PRPS2: variants seen among roughly 807,000 people sequenced by gnomAD.
PRPS2 encodes the protein phosphoribosyl pyrophosphate synthetase 2.
For synonymous variants in PRPS2, 111 were observed against 115.3 expected, an observed-to-expected ratio of 0.96 and a Z score of 0.24; for missense variants, 104 against 271.5, an observed-to-expected ratio of 0.38 and a Z score of 4.34.
intron 1 of PRPS2, among the ~76,000 whole-genome samples, chrX:12,794,666 A>G (rs1273355411): frequency 1.8e-5 from 2 of 111,841 alleles, no homozygotes; most frequent in Admixed American, 9.5e-5. Flanking sequence ...TCTAGCCACA[A>G]TTTTTTAAAG....
At chrX:12,806,459 A>G (rs2042594078) in intron 2 of PRPS2, among the ~76,000 whole-genome samples, 1 of 112,394 alleles carries the variant, frequency 8.9e-6, no homozygotes, top group South Asian at 3.6e-4. Context: ...ATTTTTGGCT[A>G]CTGTACCTTG....
chrX:12,808,849 G>A (rs2042608193), intron 2 of PRPS2, among the ~76,000 whole-genome samples: 1 of 111,208 alleles, frequency 9.0e-6, no homozygotes, highest in African/African-American at 3.3e-5. Context: ...CAGAGGGACC[G>A]CTAATAATGA....
chrX:12,820,918 G>A, intron 6 of PRPS2, 115 bp downstream of exon 6: 1 of 831,672 alleles, frequency 1.2e-6, no homozygotes, highest in South Asian at 2.9e-5. Flanking sequence ...GCTTGGCAGA[G>A]GCGGCAGCTT....
rs184212129 is a variant in PRPS2, at chrX:12,798,138, T to G, written c.123-1069T>G. ...TTAGTGAAGGGTTTAGGGTGGAATC[T>G]GGATTCAGGATTCAGAAAACTTAGC... On this transcript the variant is annotated intron_variant, in intron 1 of 6. Coordinates refer to ENST00000380668, the MANE Select transcript of PRPS2 (RefSeq NM_002765.5). 8.9e-5 allele frequency among the ~76,000 whole-genome samples: 10 copies of G among 112,037 alleles called. 1 individual carries two copies. The highest frequency in any genetic ancestry group is 2.9e-4 in the African/African-American group (9 of 30,775).
intron 1 of PRPS2, 63 bp downstream of exon 1, chrX:12,791,682 T>C: frequency 1.1e-5 from 10 of 879,134 alleles, no homozygotes; most frequent in Non-Finnish European, 1.4e-5. Flanking sequence ...GGGGCCGGGT[T>C]GGGGGCCGGC....
At chrX:12,819,276 A>G (rs2042664241) in intron 4 of PRPS2, among the ~76,000 whole-genome samples, 1 of 112,618 alleles carries the variant, frequency 8.9e-6, no homozygotes, top group Non-Finnish European at 1.9e-5. Flanking sequence ...TCCAGTGGCC[A>G]GGGTGCCCTG....
At chrX:12,808,717 C>T (rs1447895671) in intron 2 of PRPS2, among the ~76,000 whole-genome samples, 1 of 112,110 alleles carries the variant, frequency 8.9e-6, no homozygotes, top group Non-Finnish European at 1.9e-5. Flanking sequence ...AATAGCTGGA[C>T]TTCTTTTAGC....
chrX:12,792,736 T>C (rs1243251149), intron 1 of PRPS2, among the ~76,000 whole-genome samples: 3 of 112,695 alleles, frequency 2.7e-5, no homozygotes, highest in Non-Finnish European at 5.6e-5. Flanking sequence ...TCCATACTTT[T>C]CACCATTTGT....
rs1198302778 is a variant in PRPS2 at position 12,791,455 on chromosome X, C to T, written c.-43C>T. 1.7e-6 allele frequency: 2 copies of T among 1,184,592 alleles called. No homozygotes were observed. Among genetic ancestry groups the T allele is most frequent in the Non-Finnish European group, 1.1e-6 (1 of 881,511 alleles). Reference sequence around the variant, plus strand: ...GTCGCTGTCGCTGTTGCCTCCGCCACCTCCTCCGCCGCCGCGCGCCCCTCG... The same window carrying T: ...GTCGCTGTCGCTGTTGCCTCCGCCATCTCCTCCGCCGCCGCGCGCCCCTCG... On this transcript the variant is annotated 5_prime_UTR_variant, in exon 1 of 7. Transcript: ENST00000380668.
At chrX:12,794,423 G>T (rs143703086) in intron 1 of PRPS2, among the ~76,000 whole-genome samples, 2,816 of 111,812 alleles carry the variant, frequency 0.025, 34 homozygotes, top group Non-Finnish European at 0.039. Flanking sequence ...TAAGGACTGG[G>T]CTTGCAAGTT....
At chrX:12,803,489 A>G in intron 2 of PRPS2, among the ~76,000 whole-genome samples, 1 of 112,123 alleles carries the variant, frequency 8.9e-6, no homozygotes, top group Non-Finnish European at 1.9e-5. Context: ...GTGTCTCACT[A>G]TGTTGCCCAG....
At chrX:12,799,943 G>A (rs1209821304) in intron 2 of PRPS2, among the ~76,000 whole-genome samples, 1 of 111,591 alleles carries the variant, frequency 9.0e-6, no homozygotes, top group African/African-American at 3.3e-5. Context: ...AACAGAAATA[G>A]TATCATTGAA....
At chrX:12,810,292 C>A in intron 4 of PRPS2, 146 bp downstream of exon 4, 1 of 727,080 alleles carries the variant, frequency 1.4e-6, no homozygotes, top group Non-Finnish European at 2.0e-6. Context: ...GCTTCACTTC[C>A]AGAGCAGAAA....
At position 12,822,974 on chromosome X, in the gene PRPS2, GT is replaced by G; in HGVS notation, c.*183del. The G allele has an allele frequency of 2.3e-6, 1 of 427,878 alleles. No homozygotes were observed. The highest frequency in any genetic ancestry group is 4.0e-6 in the Non-Finnish European group (1 of 249,243). 35.3% of individuals were successfully genotyped at this position (427,878 alleles called of 1,213,427 possible). ...TAAAGCTCAAGATCATTTCTTTCCA[GT>G]TTTTGGGGAAATGGTGGTGGTTATT... is the stretch of plus-strand genomic sequence containing the variant. On this transcript the variant is annotated 3_prime_UTR_variant, in exon 7 of 7. Coordinates refer to ENST00000380668, the MANE Select transcript of PRPS2 (RefSeq NM_002765.5).
At position 12,799,473 on chromosome X, in the gene PRPS2, A is replaced by T. The variant is rs1192302788; in HGVS notation, c.306+83A>T. On this transcript the variant is annotated intron_variant, in intron 2 of 6. Coordinates refer to ENST00000380668, the MANE Select transcript of PRPS2 (RefSeq NM_002765.5). The stretch of plus-strand genomic sequence containing the variant: ...CTCATTTATCCCCTTGATTAGAATT[A>T]TCTGGAAAATGTTGGCTTTTTCCTT... 3 of 997,140 alleles carry T rather than the reference A, an allele frequency of 3.0e-6. No individual in the cohort carries two copies. In the African/African-American group the frequency reaches 5.8e-5, roughly 19 times the overall value. The allele number at this position is 997,140 out of a possible 1,213,427, so 82.2% of individuals were successfully genotyped here.
At chrX:12,817,043 T>A (rs1292653757) in intron 4 of PRPS2, among the ~76,000 whole-genome samples, 1 of 110,401 alleles carries the variant, frequency 9.1e-6, no homozygotes, top group Non-Finnish European at 1.9e-5. Flanking sequence ...TCTTCTATAG[T>A]TTTGTTAAGA....
intron 6 of PRPS2, among the ~76,000 whole-genome samples, chrX:12,821,947 G>A: frequency 8.9e-6 from 1 of 112,850 alleles, no homozygotes; most frequent in South Asian, 3.7e-4. Context: ...TCCCATCAGC[G>A]TAGCATGAAG....
At chrX:12,794,095 G>A (rs2042532255) in intron 1 of PRPS2, among the ~76,000 whole-genome samples, 2 of 112,656 alleles carry the variant, frequency 1.8e-5, no homozygotes, top group Admixed American at 1.9e-4. Flanking sequence ...AGAGCTTAAT[G>A]GCTTAAAACA....
chrX:12,801,790 G>A (rs1214649483), intron 2 of PRPS2, among the ~76,000 whole-genome samples: 1 of 111,739 alleles, frequency 8.9e-6, no homozygotes, highest in African/African-American at 3.3e-5. Flanking sequence ...TGTATTTTTG[G>A]TAGAGACGAG....
Sources: gnomAD v4.1 joint callset for allele counts (sites outside exome capture counted in the v4.1 genomes callset) on GRCh38, gnomAD v4.1.1 for gene constraint, MANE v1.5 for transcripts, NCBI Gene and HGNC (gene_info 2026-07-23, HGNC 2026-07-21) for gene names.